Variants in TTC31 observed in about 807,000 individuals in gnomAD.
TTC31 encodes tetratricopeptide repeat domain 31.
In TTC31, 59 loss-of-function variants were observed where a neutral mutation model predicts 60.4. The ratio of observed to expected loss-of-function variants is 0.98; its 90% CI spans 0.79 to 1.21. TTC31 has a LOEUF of 1.21. Among genes scored for constraint, TTC31 ranks in the 50% most tolerant of loss-of-function variants. TTC31 has a pLI of 0.00. For synonymous variants in TTC31, 225 were observed against 249.6 expected (o/e 0.90, Z 0.93); for missense variants, 672 against 646.9 (o/e 1.04, Z -0.42).
At chr2:74,484,943 T>C (rs971992758) in intron 2 of TTC31, among the ~76,000 whole-genome samples, 2 of 152,124 alleles carry the variant, frequency 1.3e-5, no homozygotes, top group African/African-American at 2.4e-5. Flanking sequence ...AACTTTCATC[T>C]AGTTGTTTAA....
In TTC31 at chr2:74,490,010, C is replaced by G; in HGVS notation, c.130-15C>G. On this transcript the variant is annotated splice_polypyrimidine_tract_variant and intron_variant, in intron 2 of 12. Transcript: ENST00000233623. ...CCCCAACACCAGCCTCCCCTCCCCT[C>G]CCCTCCCCTCCCAGGACATAGTGGA... is the stretch of plus-strand genomic sequence containing the variant. 7.1e-7 allele frequency: 1 copy of G among 1,403,980 alleles called. No homozygotes were observed. Among genetic ancestry groups the G allele is most frequent in the Non-Finnish European group, 9.9e-7 (1 of 1,013,708 alleles). The allele number at this position is 1,403,980 out of a possible 1,614,324, so 87.0% of individuals were successfully genotyped here.
chr2:74,491,095 C>A (rs879129746), intron 5 of TTC31, 33 bp from the exon 6 acceptor site: 1 of 1,613,650 alleles, frequency 6.2e-7, no homozygotes, highest in Admixed American at 1.7e-5. Context: ...AGTAAGTGTT[C>A]AAAATACATC....
chr2:74,488,484 C>T (rs184534273), intron 2 of TTC31, among the ~76,000 whole-genome samples: 11 of 152,300 alleles, frequency 7.2e-5, no homozygotes, highest in Non-Finnish European at 1.3e-4. Flanking sequence ...GTCTTTGAAG[C>T]TTATACTCCC....
At chr2:74,486,300 A>G (rs1673100527) in intron 2 of TTC31, among the ~76,000 whole-genome samples, 1 of 151,940 alleles carries the variant, frequency 6.6e-6, no homozygotes, top group African/African-American at 2.4e-5. Context: ...TGTGTCACAC[A>G]TGTTTCTTCA....
At chr2:74,491,882 G>A in intron 8 of TTC31, 122 bp from the exon 9 acceptor site, 1 of 1,515,300 alleles carries the variant, frequency 6.6e-7, no homozygotes, top group Non-Finnish European at 9.0e-7. Flanking sequence ...ATCTTGTAGG[G>A]CTGTCATGAG....
rs1440449663 is a variant in TTC31, at chr2:74,492,508, T to G, written c.1161+63T>G. Reference sequence around the variant, plus strand: ...TGGGATGGAGTGGGGAGAGGGTCTATGTTGACTTTCTAGATAAGCTTCTAG... The same window carrying G: ...TGGGATGGAGTGGGGAGAGGGTCTAGGTTGACTTTCTAGATAAGCTTCTAG... On this transcript the variant is annotated intron_variant, in intron 11 of 12. Coordinates refer to ENST00000233623, the MANE Select transcript of TTC31 (RefSeq NM_022492.6). The G allele has an allele frequency of 2.0e-6, 3 of 1,533,040 alleles. No individual in the cohort carries two copies. The African/African-American group carries it at 4.1e-5, about 21-fold the overall frequency. 95.0% of individuals were successfully genotyped at this position (1,533,040 alleles called of 1,614,324 possible).
At chr2:74,491,979 G>A (rs758913183) in intron 8 of TTC31, 25 bp from the exon 9 acceptor site, 1 of 1,614,164 alleles carries the variant, frequency 6.2e-7, no homozygotes, top group East Asian at 2.2e-5. Flanking sequence ...CTCAAGACCT[G>A]CTTGACTTTG....
rs1322875361 is a variant in TTC31 at position 74,492,765 on chromosome 2, A to G, written c.1263+18A>G. On this transcript the variant is annotated intron_variant, in intron 12 of 12. Transcript: ENST00000233623. The stretch of plus-strand genomic sequence containing the variant: ...TCACACTGGTAAGGGGGCCAGGCAC[A>G]CTGTCATGCTGAGGCGGGTATCAGG... The G allele has an allele frequency of 3.1e-6, 5 of 1,613,048 alleles. No individual in the cohort carries two copies. In the South Asian group the frequency reaches 5.5e-5, roughly 18 times the overall value.
Position 74,488,699 on chromosome 2 carries a change from A to G in TTC31, c.130-1326A>G, listed in dbSNP as rs186489671. 2.0e-3 allele frequency among the ~76,000 whole-genome samples: 306 copies of G among 152,328 alleles called. 1 individual carries two copies. The highest frequency in any genetic ancestry group is 7.1e-3 in the African/African-American group (296 of 41,572). On this transcript the variant is annotated intron_variant, in intron 2 of 12. Transcript: ENST00000233623. Reference sequence around the variant, plus strand: ...TCCCATCTACTCAGGAGGCTCAGGCAGGAGGATCGCTTGAGCCTAGGTGTT... The same window carrying G: ...TCCCATCTACTCAGGAGGCTCAGGCGGGAGGATCGCTTGAGCCTAGGTGTT...
In TTC31 at chr2:74,493,208, A is replaced by C; in HGVS notation, c.1550A>C (p.Gln517Pro). The C allele has an allele frequency of 6.2e-7, 1 of 1,614,006 alleles. No homozygotes were observed. The highest frequency in any genetic ancestry group is 8.5e-7 in the Non-Finnish European group (1 of 1,179,910). ...ILGLGLQHLS[Q>P]AR The stretch of plus-strand genomic sequence containing the variant: ...GGACTTGGGCTCCAGCATCTGTCTC[A>C]GGCCAGATGAGGGGGCACCGGTCCC... Residue 517 changes from glutamine to proline, a missense_variant, in exon 13 of 13, where the codon CAG becomes CCG. Coordinates refer to ENST00000233623, the MANE Select transcript of TTC31 (RefSeq NM_022492.6).
At position 74,492,200 on chromosome 2, in the gene TTC31, G is replaced by A; in HGVS notation, c.990G>A (p.Gln330=). The part of the protein sequence containing the change: ...FYHEAVVLFT[Q]ALKLNPQDHR... The stretch of plus-strand genomic sequence containing the variant: ...ATGAGGCCGTGGTCCTCTTCACCCA[G>A]GCCTTGAAGCTCAACCCCCAGGACC... The change falls in exon 10 of 13, where the codon CAG becomes CAA. Residue 330 remains glutamine (Q), a synonymous_variant. Transcript: ENST00000233623. 6.2e-7 allele frequency: 1 copy of A among 1,614,230 alleles called. No individual in the cohort carries two copies. The highest frequency in any genetic ancestry group is 8.5e-7 in the Non-Finnish European group (1 of 1,180,032).
intron 2 of TTC31, among the ~76,000 whole-genome samples, chr2:74,489,536 G>A (rs1673555059): frequency 6.6e-6 from 1 of 152,196 alleles, no homozygotes; most frequent in South Asian, 2.1e-4. Flanking sequence ...TCCCTGAGTA[G>A]GGAAGTAATT....
At chr2:74,488,988 A>G (rs997568892) in intron 2 of TTC31, among the ~76,000 whole-genome samples, 6 of 152,190 alleles carry the variant, frequency 3.9e-5, no homozygotes, top group Non-Finnish European at 7.3e-5. Flanking sequence ...CACGGGAGGC[A>G]GAGGTTGCAG....
chr2:74,487,719 C>T (rs1004405969), intron 2 of TTC31, among the ~76,000 whole-genome samples: 1 of 151,414 alleles, frequency 6.6e-6, no homozygotes, highest in African/African-American at 2.4e-5. Context: ...CTCACTCTGT[C>T]ACCCAGGCTG....
At chr2:74,492,502 G>T in intron 11 of TTC31, 57 bp downstream of exon 11, 2 of 1,531,362 alleles carry the variant, frequency 1.3e-6, no homozygotes, top group Non-Finnish European at 1.8e-6. Context: ...GTGGGGAGAG[G>T]GTCTATGTTG....
In TTC31 at chr2:74,490,471, G is replaced by A; in HGVS notation, c.460G>A (p.Glu154Lys). The change falls in exon 4 of 13, where the codon GAG becomes AAG. Residue 154 changes from glutamate (E) to lysine (K), a missense_variant and splice_region_variant. By Grantham distance (56) the Glu-to-Lys change is moderately conservative. Transcript: ENST00000233623. Reference protein sequence around the residue: ...AMPQKLLVTEEEANRLAEELV... With the variant: ...AMPQKLLVTEKEANRLAEELV... ...GCCCCAGAAGCTCCTGGTGACAGAA[G>A]AGGTGAGATTCTCAGGAGAGGGCTT... 5 of 1,605,414 alleles carry A rather than the reference G, an allele frequency of 3.1e-6. No individual in the cohort carries two copies. Among genetic ancestry groups the A allele is most frequent in the Non-Finnish European group, 4.3e-6 (5 of 1,175,774 alleles).
rs1315460099 is a variant in TTC31 at position 74,493,200 on chromosome 2, T to A, written c.1542T>A (p.His514Gln). 2 of 1,614,158 alleles carry A rather than the reference T, an allele frequency of 1.2e-6. No homozygotes were observed. Among genetic ancestry groups the A allele is most frequent in the Non-Finnish European group, 1.7e-6 (2 of 1,180,012 alleles). Residue 514 changes from histidine to glutamine, a missense_variant, in exon 13 of 13, where the codon CAT (histidine) becomes CAA (glutamine). Coordinates refer to ENST00000233623, the MANE Select transcript of TTC31 (RefSeq NM_022492.6). ...ACATCCTGGGACTTGGGCTCCAGCA[T>A]CTGTCTCAGGCCAGATGAGGGGGCA... Reference protein sequence around the residue: ...GWDILGLGLQHLSQAR With the variant: ...GWDILGLGLQQLSQAR
In TTC31 at chr2:74,490,249, C is replaced by T; in HGVS notation, c.238C>T (p.Leu80Phe). The T allele has an allele frequency of 6.2e-7, 1 of 1,613,858 alleles. No individual in the cohort carries two copies. The highest frequency in any genetic ancestry group is 1.1e-5 in the South Asian group (1 of 91,066). ...CTCTTTCTCCCTCCTGACAGATTAC[C>T]TCCTGGGCCACTTGGATGATGAAGG... is the stretch of plus-strand genomic sequence containing the variant. ...GRLQLWHHDY[L>F]LGHLDDEGKS... Residue 80 changes from leucine to phenylalanine, a missense_variant, in exon 4 of 13, where the codon CTC (leucine) becomes TTC (phenylalanine). Leu to Phe is a conservative substitution (Grantham distance 22). Transcript: ENST00000233623.
In TTC31 at chr2:74,489,976, A is replaced by G. The variant is rs1402089010; in HGVS notation, c.130-49A>G. On this transcript the variant is annotated intron_variant, in intron 2 of 12. Transcript: ENST00000233623. ...AGCCAGCGAAGCCCTTGCTCTCTCC[A>G]GGAACTGCCCCCAACACCAGCCTCC... 8 of 1,379,710 alleles carry G rather than the reference A, an allele frequency of 5.8e-6. No homozygotes were observed. The Admixed American group carries it at 5.9e-5, about 10-fold the overall frequency. The allele number at this position is 1,379,710 out of a possible 1,614,324, so 85.5% of individuals were successfully genotyped here.
Sources: gnomAD v4.1 joint callset for allele counts (sites outside exome capture counted in the v4.1 genomes callset) on GRCh38, gnomAD v4.1.1 for gene constraint, MANE v1.5 for transcripts, NCBI Gene and HGNC (gene_info 2026-07-23, HGNC 2026-07-21) for gene names.